The following SLC22A25 variants were observed in gnomAD, a reference collection of about 807,000 sequenced individuals.
SLC22A25 encodes solute carrier family 22 member 25, also known as MGI:2442751, MGI:2385316, MGI:3042283, MGI:3645714, MGI:3605624, MGI:2442750.
Under a neutral mutation model 45.9 loss-of-function variants are expected in SLC22A25, and 44 were observed. The ratio of observed to expected loss-of-function variants is 0.96; its 90% CI spans 0.75 to 1.23. The LOEUF (loss-of-function observed/expected upper bound fraction) is 1.23, where lower values mean the gene tolerates loss of function less well. SLC22A25 is among the 50% of genes most tolerant of loss of function. SLC22A25 has a pLI of 0.00. For missense variants in SLC22A25, 800 were observed against 666.4 expected, an observed-to-expected ratio of 1.20 and a Z score of -2.21; for synonymous variants, 283 against 238.6, an observed-to-expected ratio of 1.19 and a Z score of -1.72.
chr11:63,226,609 TG>T (rs1398561838), intron 5 of SLC22A25, among the ~76,000 whole-genome samples: 1 of 152,230 alleles, frequency 6.6e-6, no homozygotes, highest in African/African-American at 2.4e-5. Context: ...AGCATAGCAC[TG>T]GGTCTTGGCC....
At chr11:63,228,027 A>G (rs1265602140) in intron 5 of SLC22A25, among the ~76,000 whole-genome samples, 1 of 152,222 alleles carries the variant, frequency 6.6e-6, no homozygotes, top group African/African-American at 2.4e-5. Flanking sequence ...GTTGTCAGCA[A>G]TTCAAGACTG....
chr11:63,231,070 T>C (rs2090059509), intron 3 of SLC22A25, among the ~76,000 whole-genome samples: 1 of 152,188 alleles, frequency 6.6e-6, no homozygotes, highest in Non-Finnish European at 1.5e-5. Context: ...TTTGGGTTGG[T>C]TCCAAGTCTT....
At chr11:63,197,725 G>A (rs1257418769) in intron 7 of SLC22A25, among the ~76,000 whole-genome samples, 4 of 152,112 alleles carry the variant, frequency 2.6e-5, no homozygotes, top group Non-Finnish European at 4.4e-5. Context: ...TTGACAAATG[G>A]CATCTAAGTA....
intron 5 of SLC22A25, among the ~76,000 whole-genome samples, chr11:63,222,821 GTTTT>G (rs200504452): frequency 6.6e-6 from 1 of 150,448 alleles, no homozygotes; most frequent in African/African-American, 2.4e-5. Flanking sequence ...TTTTTTGAGA[GTTTT>G]TTTTTATCAT....
rs2087567764 is a variant in SLC22A25, at chr11:63,163,310, TC to T, written c.*513del. 6.6e-6 allele frequency among the ~76,000 whole-genome samples: 1 copy of T among 152,180 alleles called. No individual in the cohort carries two copies. The highest frequency in any genetic ancestry group is 2.1e-4 in the South Asian group (1 of 4,828). On this transcript the variant is annotated 3_prime_UTR_variant, in exon 12 of 12. Transcript: ENST00000306494. The stretch of plus-strand genomic sequence containing the variant: ...AAATTCCTTTACTTATCACTTCTTT[TC>T]CCCTTTTCCAACGCTTTTTTTCCCC...
At position 63,229,502 on chromosome 11, in the gene SLC22A25, C is replaced by G; in HGVS notation, c.151G>C (p.Val51Leu). Residue 51 changes from valine (V) to leucine (L), a missense_variant, in exon 4 of 12, where the codon GTT (valine) becomes CTT (leucine). Physicochemically the swap from Val to Leu is conservative, Grantham distance 32 (BLOSUM62 1). Coordinates refer to ENST00000306494, the MANE Select transcript of SLC22A25 (RefSeq NM_199352.6). Reference protein sequence around the residue: ...AAFILDHRCWVHILDNDTIPD... With the variant: ...AAFILDHRCWLHILDNDTIPD... ...ATAGTGTCATTGTCCAGTATATGAACCCAGCAGCGATGATCAAGTATGAAT... is the reference window on the plus strand; with the variant it reads ...ATAGTGTCATTGTCCAGTATATGAAGCCAGCAGCGATGATCAAGTATGAAT... 6.2e-7 allele frequency: 1 copy of G among 1,614,112 alleles called. No homozygotes were observed.
In SLC22A25 at chr11:63,217,586, A is replaced by C; in HGVS notation, c.656T>G (p.Leu219Trp). Residue 219 changes from leucine to tryptophan, a missense_variant, in exon 6 of 12, where the codon TTG (leucine) becomes TGG (tryptophan). Coordinates refer to ENST00000306494, the MANE Select transcript of SLC22A25 (RefSeq NM_199352.6). ...GATCGAAAATATTGACTTACTTAAC[A>C]AAACAGTATTTACAATGATGCTAAA... is the stretch of plus-strand genomic sequence containing the variant. ...ATFSIIVNTV[L>W]LIVEWITHQF... The C allele has an allele frequency of 6.2e-7, 1 of 1,612,902 alleles. No homozygotes were observed. The highest frequency in any genetic ancestry group is 1.3e-5 in the African/African-American group (1 of 75,006).
chr11:63,164,022 C>T lies in SLC22A25; in HGVS notation c.1446G>A (p.Leu482=), dbSNP rs1230184937. Residue 482 remains leucine (L), a synonymous_variant, in exon 12 of 12, where the codon CTG becomes CTA. Coordinates refer to ENST00000306494, the MANE Select transcript of SLC22A25 (RefSeq NM_199352.6). ...TGCTTAGGATCATCATGAGGGAAGC[C>T]AGGGCTCCCCCAATATTAGCAAAGT... The part of the protein sequence containing the change: ...TGNFANIGGA[L]ASLMMILSIY... 1.9e-6 allele frequency: 3 copies of T among 1,612,410 alleles called. No individual in the cohort carries two copies. The highest frequency in any genetic ancestry group is 2.5e-6 in the Non-Finnish European group (3 of 1,179,224).
In SLC22A25 at chr11:63,162,097, C is replaced by T. The variant is rs2087542680; in HGVS notation, c.*1727G>A. On this transcript the variant is annotated 3_prime_UTR_variant, in exon 12 of 12. Coordinates refer to ENST00000306494, the MANE Select transcript of SLC22A25 (RefSeq NM_199352.6). ...TTGAGAAATACCTATTCACGTTGCC[C>T]ATTGTTTGATGAGATTATTTGATTT... is the stretch of plus-strand genomic sequence containing the variant. Among the ~76,000 whole-genome samples the T allele has an allele frequency of 1.3e-5, 2 of 152,098 alleles. No homozygotes were observed. Among genetic ancestry groups the T allele is most frequent in the African/African-American group, 2.4e-5 (1 of 41,426 alleles).
chr11:63,233,147 A>G (rs749676659), intron 3 of SLC22A25, among the ~76,000 whole-genome samples: 12 of 152,222 alleles, frequency 7.9e-5, no homozygotes, highest in Non-Finnish European at 1.3e-4. Context: ...TGCTGGCCTC[A>G]TAAAATGAGT....
At chr11:63,213,424 T>C (rs1218208608) in intron 7 of SLC22A25, among the ~76,000 whole-genome samples, 1 of 152,160 alleles carries the variant, frequency 6.6e-6, no homozygotes, top group Admixed American at 6.5e-5. Context: ...GCTGGTAGCT[T>C]ACTGGACCTT....
chr11:63,229,539 C>G lies in SLC22A25; in HGVS notation c.114G>C (p.Glu38Asp), dbSNP rs2090030229. The G allele has an allele frequency of 6.2e-7, 1 of 1,614,094 alleles. No individual in the cohort carries two copies. The highest frequency in any genetic ancestry group is 2.2e-5 in the East Asian group (1 of 44,882). The change falls in exon 4 of 12, where the codon GAG (glutamate) becomes GAC (aspartate). Residue 38 changes from glutamate to aspartate, a missense_variant. Coordinates refer to ENST00000306494, the MANE Select transcript of SLC22A25 (RefSeq NM_199352.6). ...GATCAAGTATGAATGCTGCGAAGTT[C>G]TCCAGCTGAGTTTGATGGTATACTA... is the stretch of plus-strand genomic sequence containing the variant. ...NVIVYHQTQLENFAAFILDHR... is the reference protein window; with the variant it reads ...NVIVYHQTQLDNFAAFILDHR...
intron 5 of SLC22A25, among the ~76,000 whole-genome samples, chr11:63,226,923 T>C (rs575616248): frequency 6.6e-5 from 10 of 152,324 alleles, no homozygotes; most frequent in African/African-American, 2.4e-4. Context: ...GTGTGTCCAA[T>C]ACCGCCACAG....
intron 7 of SLC22A25, among the ~76,000 whole-genome samples, chr11:63,195,227 C>G (rs1345545992): frequency 6.6e-6 from 1 of 152,060 alleles, no homozygotes; most frequent in Non-Finnish European, 1.5e-5. Context: ...TATACAGGAA[C>G]TAAACTCAGC....
intron 7 of SLC22A25, among the ~76,000 whole-genome samples, chr11:63,215,488 G>A (rs1565111307): frequency 6.6e-6 from 1 of 152,142 alleles, no homozygotes; most frequent in Non-Finnish European, 1.5e-5. Context: ...TGTCAATGGT[G>A]GGTTGATGGG....
rs1590932314 is a variant in SLC22A25 at position 63,243,555 on chromosome 11, G to A, written c.-1117C>T. 5.2e-6 allele frequency: 4 copies of A among 762,942 alleles called. No homozygotes were observed. Among genetic ancestry groups the A allele is most frequent in the South Asian group, 1.4e-5 (1 of 73,354 alleles). 47.3% of individuals were successfully genotyped at this position (762,942 alleles called of 1,614,324 possible). A position where few individuals can be genotyped will look rare whatever the true frequency, so the allele number is the denominator to read the frequency against. On this transcript the variant is annotated 5_prime_UTR_variant, in exon 1 of 12. Transcript: ENST00000306494. ...AGCCCACTGACTGCCAAAAAGCTGT[G>A]CATTTATACCGACAACTCCATCAAG...
At chr11:63,201,807 T>C (rs2089252337) in intron 7 of SLC22A25, among the ~76,000 whole-genome samples, 1 of 10,136 alleles carries the variant, frequency 9.9e-5, no homozygotes, top group South Asian at 0.01. Context: ...TAGACAAAAT[T>C]TCAATAAAAA....
chr11:63,176,122 GC>G (rs1433841829), intron 9 of SLC22A25, among the ~76,000 whole-genome samples: 1 of 152,004 alleles, frequency 6.6e-6, no homozygotes, highest in Non-Finnish European at 1.5e-5. Flanking sequence ...AACTACTGTT[GC>G]TTTGCAATAT....
chr11:63,197,398 C>G (rs2089079882), intron 7 of SLC22A25, among the ~76,000 whole-genome samples: 1 of 152,078 alleles, frequency 6.6e-6, no homozygotes, highest in Non-Finnish European at 1.5e-5. Flanking sequence ...GTACTGGTAC[C>G]AAAACAGAGA....
Sources: gnomAD v4.1 joint callset for allele counts (sites outside exome capture counted in the v4.1 genomes callset) on GRCh38, gnomAD v4.1.1 for gene constraint, MANE v1.5 for transcripts, NCBI Gene and HGNC (gene_info 2026-07-23, HGNC 2026-07-21) for gene names.